Variants in SYT3 observed in about 807,000 individuals in gnomAD.
The protein encoded by SYT3 is synaptotagmin-3.
In SYT3, 25 loss-of-function variants were observed where a neutral mutation model predicts 50.6. The observed-to-expected ratio is 0.49, with a 90% CI of 0.36 to 0.69. SYT3 has a LOEUF of 0.69. SYT3 is among the 30% of genes least tolerant of loss of function. SYT3 has a pLI of 0.00. For synonymous variants in SYT3, 323 were observed against 353.9 expected (o/e 0.91, Z 0.98); for missense variants, 589 against 793.6 (o/e 0.74, Z 3.10).
intron 3 of SYT3, among the ~76,000 whole-genome samples, chr19:50,633,185 G>A (rs771681630): frequency 6.3e-5 from 3 of 47,620 alleles, no homozygotes; most frequent in Admixed American, 1.6e-4. Flanking sequence ...GTCTTGCTAT[G>A]TTGCCCAGGC....
chr19:50,626,522 C>A (rs1279564615), intron 6 of SYT3, among the ~76,000 whole-genome samples: 1 of 118,276 alleles, frequency 8.5e-6, no homozygotes, highest in East Asian at 2.7e-4. Flanking sequence ...GACAGAGACC[C>A]AGAGAGGAGG....
chr19:50,635,462 G>A lies in SYT3; in HGVS notation c.148+1802C>T, dbSNP rs144418940. On this transcript the variant is annotated intron_variant, in intron 3 of 10. Coordinates refer to ENST00000600079, the MANE Select transcript of SYT3 (RefSeq NM_001160329.2). ...GCACAGACTGGGGAGTTATTTGGGC[G>A]TGGAGAGGTGGTGTAGTTGCGCAGT... Among the ~76,000 whole-genome samples, 34 of 152,344 alleles carry A rather than the reference G, an allele frequency of 2.2e-4. 1 individual carries two copies. In the East Asian group the frequency reaches 4.2e-3, roughly 19 times the overall value.
Position 50,630,676 on chromosome 19 carries a change from G to A in SYT3, c.675-505C>T, listed in dbSNP as rs187308042. Among the ~76,000 whole-genome samples the A allele has an allele frequency of 1.9e-3, 296 of 152,082 alleles. 2 individuals carry two copies. Among genetic ancestry groups the A allele is most frequent in the African/African-American group, 6.7e-3 (279 of 41,474 alleles). Reference sequence around the variant, plus strand: ...GACCTCAGATGATCTGCCCGCCTCGGCCTCCCAAAGTGCTGGGATTACAGG... The same window carrying A: ...GACCTCAGATGATCTGCCCGCCTCGACCTCCCAAAGTGCTGGGATTACAGG... On this transcript the variant is annotated intron_variant, in intron 4 of 10. Transcript: ENST00000600079.
intron 4 of SYT3, among the ~76,000 whole-genome samples, chr19:50,631,023 C>A (rs1018491486): frequency 5.9e-5 from 9 of 152,150 alleles, no homozygotes; most frequent in African/African-American, 2.2e-4. Context: ...GCTGAGCCTG[C>A]CCCTCCCCTG....
intron 10 of SYT3, 68 bp downstream of exon 10, chr19:50,622,619 C>G: frequency 9.0e-7 from 1 of 1,106,390 alleles, no homozygotes; most frequent in Non-Finnish European, 1.4e-6. Flanking sequence ...GTCCAGGCCC[C>G]CAGCCCCTCC....
upstream of SYT3, among the ~76,000 whole-genome samples, chr19:50,644,574 T>C (rs115971318): frequency 0.011 from 1,699 of 149,034 alleles, 38 homozygotes; most frequent in African/African-American, 0.041. Context: ...ATGGGATGGA[T>C]GGAAGCTGCA....
intron 6 of SYT3, among the ~76,000 whole-genome samples, chr19:50,626,502 GA>G (rs57445598): frequency 0.65 from 90,512 of 139,728 alleles, 30,704 homozygotes; most frequent in Non-Finnish European, 0.74. Flanking sequence ...CCCAGAGAGA[GA>G]GGGGGGGGGA....
chr19:50,655,614 A>C, the SYT3 span, among the ~76,000 whole-genome samples: 1 of 151,548 alleles, frequency 6.6e-6, no homozygotes, highest in Admixed American at 6.6e-5. Context: ...GCGCCACTGC[A>C]CTCCAGCCTG....
chr19:50,624,554 C>CTTTTT (rs35518299), intron 9 of SYT3, among the ~76,000 whole-genome samples: 2 of 137,948 alleles, frequency 1.4e-5, no homozygotes, highest in African/African-American at 2.7e-5. Context: ...TCTTAAATGA[C>CTTTTT]TTTTTTTTTT....
chr19:50,656,867 GCTTGAAC>G, the SYT3 span, among the ~76,000 whole-genome samples: 1 of 151,780 alleles, frequency 6.6e-6, no homozygotes, highest in Non-Finnish European at 1.5e-5. Context: ...CAGGAGAATC[GCTTGAAC>G]CTGGGAGGTG....
At chr19:50,650,293 G>A in the SYT3 span, among the ~76,000 whole-genome samples, 1 of 152,238 alleles carries the variant, frequency 6.6e-6, no homozygotes, top group Non-Finnish European at 1.5e-5. Context: ...ACTCTGTGCT[G>A]TAGCACAGCT....
the SYT3 span, among the ~76,000 whole-genome samples, chr19:50,645,524 G>A: frequency 1.2e-4 from 18 of 152,274 alleles, no homozygotes; most frequent in African/African-American, 3.9e-4. Context: ...TGGAGATACA[G>A]AGACATACAG....
chr19:50,626,034 G>T lies in SYT3; in HGVS notation c.1282-17C>A, dbSNP rs1202834937. The T allele has an allele frequency of 6.2e-7, 1 of 1,611,880 alleles. No homozygotes were observed. The highest frequency in any genetic ancestry group is 1.3e-5 in the African/African-American group (1 of 74,890). Reference sequence around the variant, plus strand: ...TGCTTTTTCCTGCAGTTGGGGAAAAGGTCAGCGATATCTTGCCTCAGCCCC... The same window carrying T: ...TGCTTTTTCCTGCAGTTGGGGAAAATGTCAGCGATATCTTGCCTCAGCCCC... On this transcript the variant is annotated splice_polypyrimidine_tract_variant and intron_variant, in intron 6 of 10. Transcript: ENST00000600079.
At chr19:50,648,982 C>G in the SYT3 span, among the ~76,000 whole-genome samples, 1 of 150,728 alleles carries the variant, frequency 6.6e-6, no homozygotes, top group African/African-American at 2.4e-5. Context: ...ACGATGAAGA[C>G]AAGGAGGGAC....
At chr19:50,658,104 G>A in the SYT3 span, 1 of 1,535,606 alleles carries the variant, frequency 6.5e-7, no homozygotes, top group Non-Finnish European at 8.7e-7. Context: ...AACGTCATCT[G>A]TGGGACTGCT....
chr19:50,645,785 C>T, the SYT3 span, among the ~76,000 whole-genome samples: 5 of 152,028 alleles, frequency 3.3e-5, no homozygotes, highest in East Asian at 1.9e-4. Context: ...AAGGCTGAGG[C>T]GGGAAGATCG....
intron 4 of SYT3, among the ~76,000 whole-genome samples, chr19:50,631,428 T>C (rs1568764352): frequency 2.6e-5 from 4 of 152,170 alleles, no homozygotes. Context: ...CCTCCCAAAG[T>C]GCTGGGATTA....
the SYT3 span, among the ~76,000 whole-genome samples, chr19:50,646,414 T>C: frequency 1.3e-5 from 2 of 152,120 alleles, no homozygotes; most frequent in Non-Finnish European, 2.9e-5. Flanking sequence ...GTTAGGGGGC[T>C]ACTGAGTGTG....
At chr19:50,640,188 G>A (rs535743952), upstream of SYT3, among the ~76,000 whole-genome samples, 19 of 152,278 alleles carry the variant, frequency 1.2e-4, no homozygotes, top group African/African-American at 4.3e-4. Flanking sequence ...CGCTCTGAAG[G>A]CCGGTGGTAG....
Sources: gnomAD v4.1 joint callset for allele counts (sites outside exome capture counted in the v4.1 genomes callset) on GRCh38, gnomAD v4.1.1 for gene constraint, MANE v1.5 for transcripts, NCBI Gene and HGNC (gene_info 2026-07-23, HGNC 2026-07-21) for gene names.